Variants in ADCY9 observed in about 807,000 individuals in gnomAD.
ADCY9 encodes adenylate cyclase 9, also known as adenylate cyclase type 9.
Under a neutral mutation model 101.5 loss-of-function variants are expected in ADCY9, and 50 were observed. That is an observed-to-expected ratio of 0.49 (90% CI 0.39 to 0.62). The LOEUF is 0.62. ADCY9 is among the 20% of genes least tolerant of loss of function. ADCY9 has a pLI of 0.00. For missense variants in ADCY9, 1,662 were observed against 1,800.4 expected (o/e 0.92, Z 1.39); for synonymous variants, 905 against 769.3 (o/e 1.18, Z -2.92).
chr16:3,997,357 G>A (rs1258993446), intron 3 of ADCY9, among the ~76,000 whole-genome samples: 2 of 152,244 alleles, frequency 1.3e-5, no homozygotes, highest in African/African-American at 2.4e-5. Context: ...AGAGGGGCTG[G>A]AAGGCCGGTG....
downstream of ADCY9, among the ~76,000 whole-genome samples, chr16:3,961,844 G>A (rs1048501436): frequency 2.0e-5 from 3 of 152,074 alleles, no homozygotes; most frequent in Non-Finnish European, 4.4e-5. Flanking sequence ...TGGCCAACAT[G>A]GTGAAACCCT....
chr16:3,965,958 C>G lies in ADCY9; in HGVS notation c.3879G>C (p.Leu1293=), dbSNP rs2055989000. 3.1e-6 allele frequency: 5 copies of G among 1,614,190 alleles called. No homozygotes were observed. Among genetic ancestry groups the G allele is most frequent in the Non-Finnish European group, 4.2e-6 (5 of 1,180,040 alleles). The change falls in exon 11 of 11, where the codon CTG becomes CTC. Residue 1293 remains leucine, a synonymous_variant. Coordinates refer to ENST00000294016, the MANE Select transcript of ADCY9 (RefSeq NM_001116.4). The stretch of plus-strand genomic sequence containing the variant: ...TGGCCTGCGTGCTGCTGTCAGAACC[C>G]AGAGATGTCTTGTCCACATACTGGA... ...PSVQYVDKTS[L]GSDSSTQAKD...
chr16:4,047,375 C>T (rs1010924492), intron 2 of ADCY9, among the ~76,000 whole-genome samples: 8 of 151,954 alleles, frequency 5.3e-5, no homozygotes, highest in African/African-American at 1.9e-4. Context: ...TATCTTAATT[C>T]TAAAATATTA....
chr16:4,112,213 G>A (rs911158997), intron 2 of ADCY9, among the ~76,000 whole-genome samples: 3 of 152,172 alleles, frequency 2.0e-5, no homozygotes, highest in African/African-American at 4.8e-5. Flanking sequence ...GAGTGCCACC[G>A]CCCTAAACGG....
intron 2 of ADCY9, among the ~76,000 whole-genome samples, chr16:4,073,982 T>A (rs1376811692): frequency 6.6e-6 from 1 of 152,228 alleles, no homozygotes; most frequent in African/African-American, 2.4e-5. Context: ...ATTACTTAAA[T>A]TAAACTAGTT....
At position 3,992,965 on chromosome 16, in the gene ADCY9, G is replaced by A. The variant is rs764228365; in HGVS notation, c.1989+441C>T. Among the ~76,000 whole-genome samples the A allele has an allele frequency of 2.0e-5, 3 of 152,034 alleles. No individual in the cohort carries two copies. The highest frequency in any genetic ancestry group is 2.9e-5 in the Non-Finnish European group (2 of 67,996). On this transcript the variant is annotated intron_variant, in intron 4 of 10. Transcript: ENST00000294016. The surrounding 1 kb of genome is among the most constrained non-coding windows in gnomAD (Gnocchi z 4.2). The stretch of plus-strand genomic sequence containing the variant: ...GCTCTCGCGGGTGGGCTGAGTCCTG[G>A]CCCTGGTGTCCAAGTCTGGTTTTCC...
intron 2 of ADCY9, among the ~76,000 whole-genome samples, chr16:4,041,922 T>TC (rs2056629960): frequency 7.1e-6 from 1 of 141,722 alleles, no homozygotes; most frequent in African/African-American, 2.6e-5. Flanking sequence ...CAGCTAAGTT[T>TC]TTTTTTTTTT....
intron 2 of ADCY9, among the ~76,000 whole-genome samples, chr16:4,055,980 C>T (rs1291797234): frequency 4.6e-5 from 7 of 152,292 alleles, no homozygotes; most frequent in Admixed American, 1.3e-4. Flanking sequence ...GGTGACTGCG[C>T]GTCTCTGGCA....
rs1029722063 is a variant in ADCY9, at chr16:3,992,325, G to A, written c.2028C>T (p.Leu676=). Residue 676 remains leucine, a synonymous_variant, in exon 5 of 11, where the codon CTC becomes CTT. Coordinates refer to ENST00000294016, the MANE Select transcript of ADCY9 (RefSeq NM_001116.4). This position sits in a 1 kb window ranked among gnomAD's most constrained non-coding sequence, Gnocchi z 4.2. ...GGPNPKTQNG[L]LSPPQEEKLT... is the part of the protein sequence containing the mutation. ...GCTTCTCCTCTTGGGGAGGGCTGAG[G>A]AGCCCGTTCTGAGTTTTGGGATTAG... The A allele has an allele frequency of 1.9e-6, 3 of 1,613,978 alleles. No homozygotes were observed. The East Asian group carries it at 6.7e-5, about 36-fold the overall frequency.
chr16:4,047,982 G>A (rs2056677197), intron 2 of ADCY9, among the ~76,000 whole-genome samples: 1 of 152,196 alleles, frequency 6.6e-6, no homozygotes, highest in South Asian at 2.1e-4. Flanking sequence ...CTGACGCTCT[G>A]CCGTGACCCA....
intron 2 of ADCY9, among the ~76,000 whole-genome samples, chr16:4,071,920 C>T (rs12599913): frequency 0.57 from 86,885 of 151,386 alleles, 25,291 homozygotes; most frequent in South Asian, 0.68. Flanking sequence ...AAGCGATTCT[C>T]GCGCCTCAGC....
chr16:4,020,933 C>CA (rs1039975159), intron 2 of ADCY9, among the ~76,000 whole-genome samples: 3 of 151,354 alleles, frequency 2.0e-5, no homozygotes, highest in South Asian at 2.1e-4. Context: ...TGAACGTTTT[C>CA]AAAAAAAACC....
rs1431807585 is a variant in ADCY9, at chr16:3,981,588, C to A, written c.2519+1644G>T. ...GTATATAAATCATGTCACAATAAAG[C>A]AGATCTTCTTTTTTTTCTTTTTTGA... On this transcript the variant is annotated intron_variant, in intron 7 of 10. Coordinates refer to ENST00000294016, the MANE Select transcript of ADCY9 (RefSeq NM_001116.4). Among the ~76,000 whole-genome samples the A allele has an allele frequency of 3.9e-5, 6 of 152,078 alleles. No individual in the cohort carries two copies. In the East Asian group the frequency reaches 9.6e-4, roughly 24 times the overall value.
At chr16:4,098,217 A>AT (rs1042437718) in intron 2 of ADCY9, among the ~76,000 whole-genome samples, 13 of 149,980 alleles carry the variant, frequency 8.7e-5, no homozygotes, top group East Asian at 2.0e-4. Flanking sequence ...TTGGTTTGGG[A>AT]TTTTTTGTTT....
chr16:4,100,730 G>C (rs1404624509), intron 2 of ADCY9, among the ~76,000 whole-genome samples: 1 of 140,478 alleles, frequency 7.1e-6, no homozygotes, highest in Non-Finnish European at 1.5e-5. Flanking sequence ...GCAAAGGAGT[G>C]AGACTCTTGT....
chr16:3,961,783 C>T (rs757560687), downstream of ADCY9, among the ~76,000 whole-genome samples: 3 of 151,894 alleles, frequency 2.0e-5, no homozygotes, highest in South Asian at 2.1e-4. Flanking sequence ...CCCAGCACTT[C>T]GGGAGGCTGA....
intron 2 of ADCY9, among the ~76,000 whole-genome samples, chr16:4,073,059 T>C (rs1241541594): frequency 2.0e-5 from 3 of 149,936 alleles, no homozygotes; most frequent in Non-Finnish European, 4.4e-5. Flanking sequence ...TAAAAATGAG[T>C]GTCTCTTGGA....
chr16:3,969,115 C>T (rs999166994), intron 10 of ADCY9, among the ~76,000 whole-genome samples: 7 of 152,174 alleles, frequency 4.6e-5, no homozygotes, highest in African/African-American at 1.7e-4. Flanking sequence ...TGAGCCACCG[C>T]GCCCAGTCTC....
chr16:4,038,702 C>A (rs1204219803), intron 2 of ADCY9, among the ~76,000 whole-genome samples: 1 of 151,938 alleles, frequency 6.6e-6, no homozygotes, highest in African/African-American at 2.4e-5. Flanking sequence ...TGTTTCTCTC[C>A]TCTCTTCTCT....
Sources: allele counts gnomAD v4.1 joint callset (sites outside exome capture counted in the v4.1 genomes callset), GRCh38; gene constraint gnomAD v4.1.1; non-coding constraint Gnocchi (gnomAD v3.1); transcripts MANE v1.5; gene names NCBI Gene and HGNC (gene_info 2026-07-23, HGNC 2026-07-21).